The following LRTM2 variants were observed in gnomAD, a reference collection of about 807,000 sequenced individuals.
LRTM2 encodes leucine rich repeat transmembrane protein 2, also known as leucine-rich repeat and transmembrane domain-containing protein 2.
LRTM2 carries 18 observed loss-of-function variants against 28.1 expected under a neutral mutation model. That is an observed-to-expected ratio of 0.64 (90% CI 0.44 to 0.95). The LOEUF is 0.95. LRTM2 is among the 40% of genes least tolerant of loss of function. The pLI, the probability that LRTM2 is intolerant of heterozygous loss-of-function variation, is 0.00. For missense variants in LRTM2, 436 were observed against 497.2 expected (o/e 0.88, Z 1.17); for synonymous variants, 250 against 218.7 (o/e 1.14, Z -1.26).
chr12:1,832,789 T>C (rs1440816426), intron 4 of LRTM2, among the ~76,000 whole-genome samples: 1 of 152,262 alleles, frequency 6.6e-6, no homozygotes, highest in Non-Finnish European at 1.5e-5. Context: ...CAGCAGCTAA[T>C]TGAGATAGAC....
chr12:1,834,300 C>A lies in LRTM2; in HGVS notation c.692C>A (p.Pro231His), dbSNP rs771015261. 1 of 1,601,886 alleles carries A rather than the reference C, an allele frequency of 6.2e-7. No individual in the cohort carries two copies. The highest frequency in any genetic ancestry group is 1.7e-5 in the Admixed American group (1 of 59,338). ...GRLDQLACTLPKELRGKDMRM... is the reference protein window; with the variant it reads ...GRLDQLACTLHKELRGKDMRM... ...TTGGACCAGCTTGCCTGCACCCTGC[C>A]CAAGGAGCTGAGGGGGAAGGACATG... The change falls in exon 5 of 5, where the codon CCC (proline) becomes CAC (histidine). Residue 231 changes from proline to histidine, a missense_variant. By Grantham distance (77) the Pro-to-His change is moderately conservative (BLOSUM62 -2). Coordinates refer to ENST00000299194, the MANE Select transcript of LRTM2 (RefSeq NM_001039029.3). The surrounding 1 kb of genome is among the most constrained non-coding windows in gnomAD (Gnocchi z 7.6).
intron 4 of LRTM2, among the ~76,000 whole-genome samples, chr12:1,831,741 C>G (rs549399512): frequency 5.9e-4 from 89 of 151,626 alleles, no homozygotes; most frequent in African/African-American, 2.1e-3. Flanking sequence ...TGGTGCTGCT[C>G]CCTCCACCCC....
chr12:1,823,514 C>T (rs1006279229), intron 1 of LRTM2, among the ~76,000 whole-genome samples: 2 of 152,220 alleles, frequency 1.3e-5, no homozygotes, highest in Middle Eastern at 3.4e-3. Context: ...CACTCAGCTC[C>T]GCATGTGGAA....
chr12:1,834,577 CATG>C lies in LRTM2; in HGVS notation c.973_975del (p.Met325del). 6.2e-7 allele frequency: 1 copy of C among 1,601,210 alleles called. No homozygotes were observed. Among genetic ancestry groups the C allele is most frequent in the Non-Finnish European group, 8.5e-7 (1 of 1,179,916 alleles). On this transcript the variant is annotated inframe_deletion, in exon 5 of 5. Transcript: ENST00000299194. This position sits in a 1 kb window ranked among gnomAD's most constrained non-coding sequence, Gnocchi z 7.6. ...GGGTCGTGTGCGGCGTCGTCTGCAT[CATG>C]ATGGTGGTGGCCGCTGCCTATGGCT...
At position 1,834,363 on chromosome 12, in the gene LRTM2, A is replaced by G; in HGVS notation, c.755A>G (p.Gln252Arg). 6.2e-7 allele frequency: 1 copy of G among 1,613,206 alleles called. No individual in the cohort carries two copies. Among genetic ancestry groups the G allele is most frequent in the Non-Finnish European group, 8.5e-7 (1 of 1,180,006 alleles). ...VPMEMFNYCSQLEDENSSAGL... is the reference protein window; with the variant it reads ...VPMEMFNYCSRLEDENSSAGL... ...ATGGAGATGTTCAACTACTGCTCCCAGCTGGAGGACGAGAATAGCTCAGCT... is the reference window on the plus strand; with the variant it reads ...ATGGAGATGTTCAACTACTGCTCCCGGCTGGAGGACGAGAATAGCTCAGCT... The change falls in exon 5 of 5, where the codon CAG becomes CGG. Residue 252 changes from glutamine (Q) to arginine (R), a missense_variant. Physicochemically the swap from Gln to Arg is conservative, Grantham distance 43. Transcript: ENST00000299194. This position sits in a 1 kb window ranked among gnomAD's most constrained non-coding sequence, Gnocchi z 7.6.
chr12:1,823,501 GC>G (rs1864193841), intron 1 of LRTM2, among the ~76,000 whole-genome samples: 2 of 152,078 alleles, frequency 1.3e-5, no homozygotes, highest in Admixed American at 6.5e-5. Flanking sequence ...GGTGGCTACA[GC>G]CCACTCAGCT....
At chr12:1,827,921 C>A in intron 2 of LRTM2, 155 bp from the exon 3 acceptor site, 1 of 412,080 alleles carries the variant, frequency 2.4e-6, no homozygotes, top group Non-Finnish European at 4.3e-6. Flanking sequence ...TGAAGGCTTC[C>A]TGGCTCCTCT....
chr12:1,827,142 G>A (rs528296686), intron 1 of LRTM2, among the ~76,000 whole-genome samples: 28 of 141,832 alleles, frequency 2.0e-4, no homozygotes, highest in Non-Finnish European at 3.7e-4. Context: ...GCCCATCCCC[G>A]CCCTTGCCAG....
Position 1,829,157 on chromosome 12 carries a change from T to A in LRTM2, c.67+942T>A, listed in dbSNP as rs776563459. On this transcript the variant is annotated intron_variant, in intron 3 of 4. Coordinates refer to ENST00000299194, the MANE Select transcript of LRTM2 (RefSeq NM_001039029.3). This position sits in a 1 kb window ranked among gnomAD's most constrained non-coding sequence, Gnocchi z 4.2. ...CTGGAGCTTTTATGCCACCTTGATC[T>A]CCAGGGAGGTGGGGGGCGCAGGGAG... Among the ~76,000 whole-genome samples, 1 of 152,018 alleles carries A rather than the reference T, an allele frequency of 6.6e-6. No homozygotes were observed. The highest frequency in any genetic ancestry group is 1.5e-5 in the Non-Finnish European group (1 of 68,020).
chr12:1,826,857 C>T (rs1864353061), intron 1 of LRTM2, among the ~76,000 whole-genome samples: 1 of 152,238 alleles, frequency 6.6e-6, no homozygotes, highest in African/African-American at 2.4e-5. Flanking sequence ...GAAACCTGCA[C>T]AGACAGGCCA....
rs1864469902 is a variant in LRTM2, at chr12:1,828,597, G to A, written c.67+382G>A. Among the ~76,000 whole-genome samples the A allele has an allele frequency of 6.6e-6, 1 of 152,228 alleles. No homozygotes were observed. The highest frequency in any genetic ancestry group is 2.4e-5 in the African/African-American group (1 of 41,472). ...AGCTTGTCGGCCTGTGTCACAGACT[G>A]CGGCGAGCCCTTTTGCTCCCGTGGG... On this transcript the variant is annotated intron_variant, in intron 3 of 4. Coordinates refer to ENST00000299194, the MANE Select transcript of LRTM2 (RefSeq NM_001039029.3). The surrounding 1 kb of genome is among the most constrained non-coding windows in gnomAD (Gnocchi z 4.2).
intron 1 of LRTM2, among the ~76,000 whole-genome samples, chr12:1,822,454 C>T (rs1024085847): frequency 2.5e-4 from 38 of 151,512 alleles, no homozygotes; most frequent in African/African-American, 8.6e-4. Context: ...GGGAATACCA[C>T]CCTGAGCCCA....
At position 1,833,990 on chromosome 12, in the gene LRTM2, C is replaced by T. The variant is rs1413690982; in HGVS notation, c.659-277C>T. Among the ~76,000 whole-genome samples, 11 of 152,250 alleles carry T rather than the reference C, an allele frequency of 7.2e-5. No homozygotes were observed. In the East Asian group the frequency reaches 1.9e-3, roughly 27 times the overall value. ...AGGACAGGCCGGATGGAAGTGGCTG[C>T]GTGCTTCTCTATAAAATGGGAATAA... On this transcript the variant is annotated intron_variant, in intron 4 of 4. Transcript: ENST00000299194. The surrounding 1 kb of genome is among the most constrained non-coding windows in gnomAD (Gnocchi z 4.2).
Position 1,834,280 on chromosome 12 carries a change from C to T in LRTM2, c.672C>T (p.Asp224=), listed in dbSNP as rs541848800. Residue 224 remains aspartate (D), a synonymous_variant, in exon 5 of 5, where the codon GAC becomes GAT. Transcript: ENST00000299194. The surrounding 1 kb of genome is among the most constrained non-coding windows in gnomAD (Gnocchi z 7.6). ...TTCTGCATGTAGGGGGACGCTTGGA[C>T]CAGCTTGCCTGCACCCTGCCCAAGG... The part of the protein sequence containing the change: ...EWFSYRGGRL[D]QLACTLPKEL... 1 of 1,576,698 alleles carries T rather than the reference C, an allele frequency of 6.3e-7. No homozygotes were observed. Among genetic ancestry groups the T allele is most frequent in the East Asian group, 2.3e-5 (1 of 44,350 alleles).
chr12:1,825,615 C>T (rs183698843), intron 1 of LRTM2, among the ~76,000 whole-genome samples: 2 of 152,316 alleles, frequency 1.3e-5, no homozygotes, highest in Non-Finnish European at 2.9e-5. Flanking sequence ...TGTGTGCAAG[C>T]ATGTGGGCAC....
chr12:1,827,357 C>T (rs555104986), intron 1 of LRTM2, 53 bp from the exon 2 acceptor site: 36 of 152,994 alleles, frequency 2.4e-4, no homozygotes, highest in South Asian at 6.2e-4. Context: ...GCTGCCTCAG[C>T]GCCCCTACTC....
At chr12:1,823,445 G>A (rs1248923309) in intron 1 of LRTM2, among the ~76,000 whole-genome samples, 2 of 152,098 alleles carry the variant, frequency 1.3e-5, no homozygotes, top group East Asian at 1.9e-4. Flanking sequence ...TGAGGGGGCC[G>A]AGTGGGGTGC....
At chr12:1,830,740 T>A (rs941236384) in intron 3 of LRTM2, among the ~76,000 whole-genome samples, 195 bp from the exon 4 acceptor site, 2 of 152,248 alleles carry the variant, frequency 1.3e-5, no homozygotes, top group Non-Finnish European at 2.9e-5. Flanking sequence ...CTGTGTGATG[T>A]CCATTAATAT....
intron 1 of LRTM2, among the ~76,000 whole-genome samples, chr12:1,821,804 C>T (rs1277098709): frequency 6.6e-6 from 1 of 152,168 alleles, no homozygotes; most frequent in East Asian, 1.9e-4. Context: ...AGGTCTGGGG[C>T]TGGGTTCCAG....
Sources: gnomAD v4.1 joint callset for allele counts (sites outside exome capture counted in the v4.1 genomes callset) on GRCh38, gnomAD v4.1.1 for gene constraint, Gnocchi (gnomAD v3.1) non-coding constraint, MANE v1.5 for transcripts, NCBI Gene and HGNC (gene_info 2026-07-23, HGNC 2026-07-21) for gene names.